The following B3GALT1 variants were observed in gnomAD, a reference collection of about 807,000 sequenced individuals.
The protein encoded by B3GALT1 is UDP-Gal:betaGlcNAc beta 1,3-galactosyltransferase, polypeptide 1.
In B3GALT1, 10 loss-of-function variants were observed where a neutral mutation model predicts 23.2. The ratio of observed to expected loss-of-function variants is 0.43; its 90% CI spans 0.27 to 0.73. The LOEUF (loss-of-function observed/expected upper bound fraction) is 0.73, where lower values mean the gene tolerates loss of function less well. B3GALT1 is among the 30% of genes least tolerant of loss of function. The pLI is 0.21. For missense variants in B3GALT1, 299 were observed against 405.4 expected (o/e 0.74, Z 2.25); for synonymous variants, 156 against 141.5 (o/e 1.10, Z -0.73).
Position 167,355,004 on chromosome 2 carries a change from A to G in B3GALT1, c.-511+61670A>G, listed in dbSNP as rs1305542699. 2.0e-5 allele frequency among the ~76,000 whole-genome samples: 3 copies of G among 152,142 alleles called. No individual in the cohort carries two copies. In the East Asian group the frequency reaches 5.8e-4, roughly 29 times the overall value. On this transcript the variant is annotated intron_variant, in intron 1 of 4. Coordinates refer to ENST00000392690, the MANE Select transcript of B3GALT1 (RefSeq NM_020981.4). ...ACCTCCTTATCTTCCTCTTCCTCAA[A>G]TATCTTAATTCTTTTCATCCTTCAT...
chr2:167,592,203 T>C (rs939482508), intron 2 of B3GALT1, among the ~76,000 whole-genome samples: 1 of 152,058 alleles, frequency 6.6e-6, no homozygotes, highest in East Asian at 1.9e-4. Context: ...AGATCTAAGA[T>C]AGCAATATCA....
At chr2:167,522,838 G>A (rs760292128) in intron 2 of B3GALT1, among the ~76,000 whole-genome samples, 7 of 152,080 alleles carry the variant, frequency 4.6e-5, no homozygotes, top group African/African-American at 1.2e-4. Context: ...TTTGTGAACC[G>A]TAGACTTCAC....
At position 167,449,881 on chromosome 2, in the gene B3GALT1, T is replaced by C. The variant is rs138994856; in HGVS notation, c.-510-40296T>C. Among the ~76,000 whole-genome samples, 30 of 152,334 alleles carry C rather than the reference T, an allele frequency of 2.0e-4. No homozygotes were observed. In the East Asian group the frequency reaches 5.8e-3, roughly 29 times the overall value. The stretch of plus-strand genomic sequence containing the variant: ...GAATTTGTTTTTAATTCTCTTTATG[T>C]GGTATATCATATTTATTGACATGTA... On this transcript the variant is annotated intron_variant, in intron 1 of 4. Coordinates refer to ENST00000392690, the MANE Select transcript of B3GALT1 (RefSeq NM_020981.4).
intron 3 of B3GALT1, among the ~76,000 whole-genome samples, chr2:167,666,029 T>C (rs1321700499): frequency 6.6e-6 from 1 of 152,242 alleles, no homozygotes; most frequent in Non-Finnish European, 1.5e-5. Flanking sequence ...TGCTCTTGCT[T>C]TTCCAATTCT....
At chr2:167,563,422 C>T (rs1490523756) in intron 2 of B3GALT1, among the ~76,000 whole-genome samples, 3 of 131,628 alleles carry the variant, frequency 2.3e-5, no homozygotes, top group African/African-American at 8.9e-5. Flanking sequence ...GACCCCTCCA[C>T]CTCCCTCCCG....
At position 167,466,024 on chromosome 2, in the gene B3GALT1, G is replaced by A. The variant is rs370026124; in HGVS notation, c.-510-24153G>A. Among the ~76,000 whole-genome samples the A allele has an allele frequency of 4.6e-5, 7 of 152,136 alleles. No homozygotes were observed. The East Asian group carries it at 5.8e-4, about 13-fold the overall frequency. On this transcript the variant is annotated intron_variant, in intron 1 of 4. Coordinates refer to ENST00000392690, the MANE Select transcript of B3GALT1 (RefSeq NM_020981.4). Reference sequence around the variant, plus strand: ...GTCACAGGTTTTGCTTAAAGGCAAGGAAACACATTGCTCCCAATCAGACCT... The same window carrying A: ...GTCACAGGTTTTGCTTAAAGGCAAGAAAACACATTGCTCCCAATCAGACCT...
At chr2:167,678,958 A>G (rs565321086) in intron 3 of B3GALT1, among the ~76,000 whole-genome samples, 19 of 152,076 alleles carry the variant, frequency 1.2e-4, no homozygotes, top group African/African-American at 4.6e-4. Context: ...TTCTATTTCT[A>G]TTTCTATTTT....
At chr2:167,416,916 G>T (rs1042252897) in intron 1 of B3GALT1, among the ~76,000 whole-genome samples, 5 of 152,202 alleles carry the variant, frequency 3.3e-5, no homozygotes, top group African/African-American at 1.2e-4. Context: ...GAATGAGAAT[G>T]ACTGTCTTAG....
At chr2:167,390,793 T>TGAAC (rs1698006461) in intron 1 of B3GALT1, among the ~76,000 whole-genome samples, 1 of 10,018 alleles carries the variant, frequency 1.0e-4, no homozygotes, top group South Asian at 5.8e-3. Context: ...AGTAAATATC[T>TGAAC]GAATGAATGA....
intron 1 of B3GALT1, among the ~76,000 whole-genome samples, chr2:167,352,488 G>A (rs1203446461): frequency 6.6e-6 from 1 of 150,642 alleles, no homozygotes; most frequent in Non-Finnish European, 1.5e-5. Context: ...CTGGAAGGCC[G>A]AGGTGGGCGG....
intron 2 of B3GALT1, among the ~76,000 whole-genome samples, chr2:167,556,280 A>C (rs1234937615): frequency 1.3e-5 from 2 of 152,118 alleles, no homozygotes; most frequent in African/African-American, 4.8e-5. Flanking sequence ...TGATGCTTAA[A>C]ACTGAGCGCA....
chr2:167,380,546 A>G (rs558172733), intron 1 of B3GALT1, among the ~76,000 whole-genome samples: 1 of 152,204 alleles, frequency 6.6e-6, no homozygotes, highest in East Asian at 1.9e-4. Context: ...CCAAACTAAA[A>G]TGCCTACACA....
chr2:167,834,130 A>G (rs952395383), intron 4 of B3GALT1, among the ~76,000 whole-genome samples: 1 of 152,198 alleles, frequency 6.6e-6, no homozygotes, highest in African/African-American at 2.4e-5. Context: ...GGCAGAGTTC[A>G]AAAACAAACA....
At chr2:167,824,517 C>CA (rs1397394054) in intron 4 of B3GALT1, among the ~76,000 whole-genome samples, 1 of 152,198 alleles carries the variant, frequency 6.6e-6, no homozygotes, top group African/African-American at 2.4e-5. Flanking sequence ...GGATTAGGTA[C>CA]AGAGTTAAGA....
At position 167,844,248 on chromosome 2, in the gene B3GALT1, G is replaced by T. The variant is rs142566542; in HGVS notation, c.-229-24563G>T. Among the ~76,000 whole-genome samples the T allele has an allele frequency of 3.3e-3, 505 of 152,288 alleles. 3 individuals are homozygous for T. The highest frequency in any genetic ancestry group is 0.011 in the African/African-American group (474 of 41,558). On this transcript the variant is annotated intron_variant, in intron 4 of 4. Transcript: ENST00000392690. ...GGAGGCAAGGATCATCATGGTGGAC[G>T]GGAGGCAGGACTGGATTGCAGCTCC...
intron 1 of B3GALT1, among the ~76,000 whole-genome samples, chr2:167,429,985 G>C (rs1055796881): frequency 6.6e-6 from 1 of 152,196 alleles, no homozygotes. Flanking sequence ...CCTGCACACA[G>C]AGAGCTTTAT....
chr2:167,368,214 G>C (rs777973863), intron 1 of B3GALT1, among the ~76,000 whole-genome samples: 1 of 152,176 alleles, frequency 6.6e-6, no homozygotes, highest in South Asian at 2.1e-4. Context: ...GTCTTCTGGA[G>C]TGTGTGACTG....
intron 3 of B3GALT1, among the ~76,000 whole-genome samples, chr2:167,792,264 T>C (rs1388483531): frequency 6.6e-6 from 1 of 152,126 alleles, no homozygotes; most frequent in African/African-American, 2.4e-5. Flanking sequence ...CTCTCCAAAA[T>C]CAATCACAAT....
intron 1 of B3GALT1, among the ~76,000 whole-genome samples, chr2:167,465,684 C>T (rs111301269): frequency 0.025 from 3,788 of 152,092 alleles, 154 homozygotes; most frequent in African/African-American, 0.087. Context: ...ACATTTAGAC[C>T]ACAGCAGATA....
Sources: gnomAD v4.1 joint callset for allele counts (sites outside exome capture counted in the v4.1 genomes callset) on GRCh38, gnomAD v4.1.1 for gene constraint, MANE v1.5 for transcripts, NCBI Gene and HGNC (gene_info 2026-07-23, HGNC 2026-07-21) for gene names.